The following CFAP299 variants were observed in gnomAD, a reference collection of about 807,000 sequenced individuals.
CFAP299 encodes the protein cilia- and flagella-associated protein 299.
A neutral mutation model predicts 27.0 loss-of-function variants in CFAP299; 21 were observed. The observed-to-expected ratio is 0.78, with a 90% CI of 0.55 to 1.12. The LOEUF (loss-of-function observed/expected upper bound fraction) is 1.12. Ranked by LOEUF, CFAP299 falls within the 50% of genes most tolerant of loss-of-function variation. The pLI is 0.00. For missense variants in CFAP299, 310 were observed against 276.6 expected, an observed-to-expected ratio of 1.12 and a Z score of -0.86; for synonymous variants, 104 against 98.1, an observed-to-expected ratio of 1.06 and a Z score of -0.36.
At chr4:80,857,529 A>G (rs1256921643) in intron 3 of CFAP299, among the ~76,000 whole-genome samples, 1 of 152,124 alleles carries the variant, frequency 6.6e-6, no homozygotes, top group Non-Finnish European at 1.5e-5. Context: ...TCAGTATGAT[A>G]TTGGCTGTTG....
At chr4:80,830,750 G>A (rs1674772108) in intron 3 of CFAP299, among the ~76,000 whole-genome samples, 1 of 152,044 alleles carries the variant, frequency 6.6e-6, no homozygotes, top group Non-Finnish European at 1.5e-5. Context: ...GGCAAGAGTT[G>A]ATATTGGCTA....
At chr4:80,595,618 G>A (rs1737022266) in intron 3 of CFAP299, among the ~76,000 whole-genome samples, 2 of 152,150 alleles carry the variant, frequency 1.3e-5, no homozygotes, top group South Asian at 4.1e-4. Flanking sequence ...AAGATAAAAT[G>A]ACATCTCATT....
At chr4:80,859,506 C>T (rs569026573) in intron 3 of CFAP299, among the ~76,000 whole-genome samples, 118 of 152,000 alleles carry the variant, frequency 7.8e-4, no homozygotes, top group Middle Eastern at 3.4e-3. Context: ...TTCCTAGTCT[C>T]GATGGTCTTT....
chr4:80,629,321 G>T (rs1450995909), intron 3 of CFAP299, among the ~76,000 whole-genome samples: 1 of 152,106 alleles, frequency 6.6e-6, no homozygotes, highest in African/African-American at 2.4e-5. Context: ...TTGAGAGTCA[G>T]GGGGGAGAGA....
intron 3 of CFAP299, among the ~76,000 whole-genome samples, chr4:80,618,952 TA>T (rs1008670611): frequency 1.3e-5 from 2 of 152,080 alleles, no homozygotes; most frequent in Non-Finnish European, 2.9e-5. Flanking sequence ...AATTATTCAT[TA>T]AAAAATAGAG....
intron 3 of CFAP299, among the ~76,000 whole-genome samples, chr4:80,772,570 A>T (rs1322576221): frequency 6.6e-6 from 1 of 151,946 alleles, no homozygotes; most frequent in Non-Finnish European, 1.5e-5. Flanking sequence ...TTTTACTTTA[A>T]GTTCTGGGGT....
chr4:80,616,897 TAATA>T (rs1178147894), intron 3 of CFAP299, among the ~76,000 whole-genome samples: 2 of 152,258 alleles, frequency 1.3e-5, no homozygotes, highest in Admixed American at 1.3e-4. Context: ...ATTGAATGTT[TAATA>T]AATTAACAAT....
chr4:80,547,583 AAGAC>A (rs1734297480), intron 2 of CFAP299, among the ~76,000 whole-genome samples: 2 of 152,130 alleles, frequency 1.3e-5, no homozygotes, highest in Non-Finnish European at 2.9e-5. Context: ...ACAGAGTAAA[AAGAC>A]AGCCTACGGA....
chr4:80,582,966 G>T, intron 2 of CFAP299, 127 bp from the exon 3 acceptor site: 1 of 506,488 alleles, frequency 2.0e-6, no homozygotes, highest in South Asian at 4.2e-5. Context: ...AGTAGATCAT[G>T]ATTTTATTTA....
intron 4 of CFAP299, among the ~76,000 whole-genome samples, chr4:80,909,286 T>G (rs1735350902): frequency 6.6e-6 from 1 of 152,118 alleles, no homozygotes; most frequent in Admixed American, 6.6e-5. Context: ...AAAGGGAGTT[T>G]AGTCTTTTCC....
At chr4:80,544,355 A>G (rs1052355191) in intron 2 of CFAP299, among the ~76,000 whole-genome samples, 2 of 152,160 alleles carry the variant, frequency 1.3e-5, no homozygotes, top group African/African-American at 4.8e-5. Flanking sequence ...TCACATATCA[A>G]TGTCATATAG....
chr4:80,774,635 T>C (rs1726420474), intron 3 of CFAP299, among the ~76,000 whole-genome samples: 1 of 152,100 alleles, frequency 6.6e-6, no homozygotes, highest in African/African-American at 2.4e-5. Context: ...TATAAATATA[T>C]ATTGTGATAA....
At chr4:80,838,546 C>G (rs1356465934) in intron 3 of CFAP299, among the ~76,000 whole-genome samples, 1 of 152,048 alleles carries the variant, frequency 6.6e-6, no homozygotes, top group Admixed American at 6.6e-5. Flanking sequence ...TGCTTTTTGT[C>G]AGGTTTGTCA....
chr4:80,493,769 T>TC (rs1478702043), intron 2 of CFAP299, among the ~76,000 whole-genome samples: 2 of 121,896 alleles, frequency 1.6e-5, no homozygotes, highest in African/African-American at 6.9e-5. Flanking sequence ...CTTTTTTTTT[T>TC]TTTTTTTTTT....
chr4:80,450,309 C>T, intron 2 of CFAP299, among the ~76,000 whole-genome samples: 1 of 152,072 alleles, frequency 6.6e-6, no homozygotes, highest in East Asian at 1.9e-4. Flanking sequence ...ATATATGTGC[C>T]AAATATAATC....
At chr4:80,480,511 G>A (rs1730511252) in intron 2 of CFAP299, among the ~76,000 whole-genome samples, 1 of 151,972 alleles carries the variant, frequency 6.6e-6, no homozygotes, top group South Asian at 2.1e-4. Context: ...GATTGGTTGA[G>A]TTTAAATTCT....
At chr4:80,346,454 A>G (rs539528277) in intron 1 of CFAP299, among the ~76,000 whole-genome samples, 1 of 152,160 alleles carries the variant, frequency 6.6e-6, no homozygotes, top group African/African-American at 2.4e-5. Context: ...TTTTTGTATA[A>G]GGTGTAAGGA....
chr4:80,557,730 T>C (rs1301586877), intron 2 of CFAP299, among the ~76,000 whole-genome samples: 1 of 152,090 alleles, frequency 6.6e-6, no homozygotes, highest in Non-Finnish European at 1.5e-5. Flanking sequence ...AAATACCAGT[T>C]TTGGAAATTC....
At chr4:80,450,903 G>GTGTA (rs1728869388) in intron 2 of CFAP299, among the ~76,000 whole-genome samples, 1 of 150,844 alleles carries the variant, frequency 6.6e-6, no homozygotes, top group African/African-American at 2.4e-5. Flanking sequence ...GTGTGTGTGT[G>GTGTA]TGTGTGTGAG....
Sources: allele counts gnomAD v4.1 joint callset (sites outside exome capture counted in the v4.1 genomes callset), GRCh38; gene constraint gnomAD v4.1.1; transcripts MANE v1.5; gene names NCBI Gene and HGNC (gene_info 2026-07-23, HGNC 2026-07-21).